Variants in CYP3A43 observed in about 807,000 individuals in gnomAD.
CYP3A43 encodes cytochrome P450 family 3 subfamily A member 43.
In CYP3A43, 45 loss-of-function variants were observed where a neutral mutation model predicts 58.0. That is an observed-to-expected ratio of 0.78 (90% confidence interval 0.61 to 0.99). The LOEUF (loss-of-function observed/expected upper bound fraction) is 0.99. Ranked by LOEUF, CYP3A43 falls within the 50% of genes least tolerant of loss-of-function variation. The pLI is 0.00. For missense variants in CYP3A43, 593 were observed against 591.9 expected (o/e 1.00, Z -0.02); for synonymous variants, 191 against 201.4 (o/e 0.95, Z 0.44).
chr7:99,859,286 A>G (rs1818125730), intron 9 of CYP3A43, among the ~76,000 whole-genome samples: 1 of 152,136 alleles, frequency 6.6e-6, no homozygotes, highest in African/African-American at 2.4e-5. Context: ...TGGTCCATGG[A>G]CCACATTTTG....
At chr7:99,833,658 C>A (rs1816939380) in intron 1 of CYP3A43, among the ~76,000 whole-genome samples, 1 of 152,174 alleles carries the variant, frequency 6.6e-6, no homozygotes, top group African/African-American at 2.4e-5. Context: ...TCTTTTAATT[C>A]CTGTTCCATT....
chr7:99,850,594 G>A (rs1448835645), intron 7 of CYP3A43, among the ~76,000 whole-genome samples: 1 of 151,956 alleles, frequency 6.6e-6, no homozygotes, highest in Admixed American at 6.6e-5. Context: ...CTGGCCTCAA[G>A]CCATCTTTCT....
intron 6 of CYP3A43, among the ~76,000 whole-genome samples, chr7:99,848,974 A>C (rs1817639762): frequency 6.6e-6 from 1 of 152,202 alleles, no homozygotes; most frequent in African/African-American, 2.4e-5. Context: ...TTTTACAAAA[A>C]TAATCTGCCC....
At chr7:99,829,765 CCTAT>C (rs1816769816) in intron 1 of CYP3A43, among the ~76,000 whole-genome samples, 1 of 152,162 alleles carries the variant, frequency 6.6e-6, no homozygotes, top group African/African-American at 2.4e-5. Flanking sequence ...CATATACAGA[CCTAT>C]CTTTCATGAC....
chr7:99,828,938 C>A (rs1343597839), intron 1 of CYP3A43, among the ~76,000 whole-genome samples: 1 of 152,210 alleles, frequency 6.6e-6, no homozygotes, highest in Non-Finnish European at 1.5e-5. Flanking sequence ...TTCTTTGGAG[C>A]ACTGCTACCT....
intron 5 of CYP3A43, 93 bp downstream of exon 5, chr7:99,847,694 T>C: frequency 6.4e-7 from 1 of 1,572,130 alleles, no homozygotes; most frequent in Non-Finnish European, 8.6e-7. Flanking sequence ...TAATGGGTAG[T>C]CCACTGAGTT....
At chr7:99,832,661 G>A (rs1404738056) in intron 1 of CYP3A43, among the ~76,000 whole-genome samples, 1 of 150,986 alleles carries the variant, frequency 6.6e-6, no homozygotes, top group Admixed American at 6.6e-5. Flanking sequence ...TGCACGTTGT[G>A]CACATGTACC....
At chr7:99,855,859 G>A (rs1817956797) in intron 8 of CYP3A43, 141 bp downstream of exon 8, 1 of 968,192 alleles carries the variant, frequency 1.0e-6, no homozygotes, top group Non-Finnish European at 1.5e-6. Flanking sequence ...ACATTTTGCT[G>A]GGAATAAAGA....
chr7:99,857,999 A>T (rs1369114925), intron 9 of CYP3A43, among the ~76,000 whole-genome samples: 1 of 152,168 alleles, frequency 6.6e-6, no homozygotes, highest in Admixed American at 6.5e-5. Context: ...TTTTGTGAAA[A>T]GGGAAACAGT....
In CYP3A43 at chr7:99,859,990, G is replaced by C; in HGVS notation, c.1026G>C (p.Lys342Asn). 6.3e-7 allele frequency: 1 copy of C among 1,590,524 alleles called. No homozygotes were observed. The highest frequency in any genetic ancestry group is 1.3e-5 in the African/African-American group (1 of 74,286). Residue 342 changes from lysine (K) to asparagine (N), a missense_variant and splice_region_variant, in exon 10 of 13, where the codon AAG becomes AAC. Coordinates refer to ENST00000354829, the MANE Select transcript of CYP3A43 (RefSeq NM_057095.3). ...AGATTGACGCAGTTTTACCCAATAA[G>C]GTAAGGGGATGATCCCCTGGAGAAG... ...QEEIDAVLPNKAPVTYDALVQ... is the reference protein window; with the variant it reads ...QEEIDAVLPNNAPVTYDALVQ...
chr7:99,846,841 T>C (rs1247547407), intron 4 of CYP3A43, among the ~76,000 whole-genome samples: 1 of 152,192 alleles, frequency 6.6e-6, no homozygotes, highest in Non-Finnish European at 1.5e-5. Context: ...TTTTGAAAGA[T>C]GGAAGAAGGT....
chr7:99,851,815 C>T (rs1054346934), intron 7 of CYP3A43, among the ~76,000 whole-genome samples: 7 of 152,142 alleles, frequency 4.6e-5, no homozygotes, highest in Middle Eastern at 3.2e-3. Context: ...TGATGATGCA[C>T]GATTTGCGTA....
At chr7:99,855,804 T>C in intron 8 of CYP3A43, 86 bp downstream of exon 8, 1 of 1,437,838 alleles carries the variant, frequency 7.0e-7, no homozygotes, top group South Asian at 1.3e-5. Flanking sequence ...CACTTATCTG[T>C]GTTTTTTAAA....
At chr7:99,844,122 G>C (rs1817448463) in intron 3 of CYP3A43, 21 bp from the exon 4 acceptor site, 2 of 1,597,502 alleles carry the variant, frequency 1.3e-6, no homozygotes, top group Non-Finnish European at 1.7e-6. Flanking sequence ...GGTTTAGTCA[G>C]CTCTGTTTTC....
At chr7:99,856,126 C>A (rs1012963105) in intron 8 of CYP3A43, among the ~76,000 whole-genome samples, 1 of 151,986 alleles carries the variant, frequency 6.6e-6, no homozygotes, top group Non-Finnish European at 1.5e-5. Flanking sequence ...ATTTCAAGTC[C>A]AAGCCTGTTA....
chr7:99,854,620 C>G (rs79767191), intron 7 of CYP3A43, among the ~76,000 whole-genome samples: 7,312 of 152,086 alleles, frequency 0.048, 512 homozygotes, highest in African/African-American at 0.16. Flanking sequence ...TTTAGTTTTA[C>G]TTTGCTCTTC....
chr7:99,838,913 G>A (rs1375814180), intron 2 of CYP3A43: 2 of 626,496 alleles, frequency 3.2e-6, no homozygotes, highest in Non-Finnish European at 5.3e-6. Flanking sequence ...CCAGAAGGCA[G>A]AGGTTGCAAT....
At chr7:99,842,468 T>C (rs1002822673) in intron 3 of CYP3A43, among the ~76,000 whole-genome samples, 9 of 152,356 alleles carry the variant, frequency 5.9e-5, no homozygotes, top group Non-Finnish European at 1.2e-4. Flanking sequence ...ATAGAAGTTT[T>C]ATAGATTCTC....
At chr7:99,855,494 T>C (rs1817938449) in intron 7 of CYP3A43, 97 bp from the exon 8 acceptor site, 1 of 1,414,486 alleles carries the variant, frequency 7.1e-7, no homozygotes, top group Non-Finnish European at 9.4e-7. Flanking sequence ...TTGAGAACCC[T>C]GAAGTCTATA....
Sources: gnomAD v4.1 joint callset for allele counts (sites outside exome capture counted in the v4.1 genomes callset) on GRCh38, gnomAD v4.1.1 for gene constraint, MANE v1.5 for transcripts, NCBI Gene and HGNC (gene_info 2026-07-23, HGNC 2026-07-21) for gene names.